EEPD1: variants seen among roughly 807,000 people sequenced by gnomAD.
The protein encoded by EEPD1 is endonuclease/exonuclease/phosphatase family domain-containing protein 1.
Under a neutral mutation model 46.3 loss-of-function variants are expected in EEPD1, and 17 were observed. The observed-to-expected ratio is 0.37, with a 90% CI of 0.25 to 0.55. The LOEUF is 0.55. Among genes scored for constraint, EEPD1 ranks in the 20% least tolerant of loss-of-function variants. The pLI is 0.83. For synonymous variants in EEPD1, 313 were observed against 315.6 expected (o/e 0.99, Z 0.09); for missense variants, 673 against 745.6 (o/e 0.90, Z 1.13).
chr7:36,184,211 CATAATT>C (rs1230808568), intron 2 of EEPD1, among the ~76,000 whole-genome samples: 9 of 152,128 alleles, frequency 5.9e-5, no homozygotes, highest in Non-Finnish European at 1.0e-4. Flanking sequence ...ATTTGAATGT[CATAATT>C]ATAATTTTCT....
At chr7:36,251,556 C>T (rs1019402241) in intron 3 of EEPD1, among the ~76,000 whole-genome samples, 2 of 152,304 alleles carry the variant, frequency 1.3e-5, no homozygotes, top group East Asian at 3.9e-4. Flanking sequence ...GTGATCCACC[C>T]GCCTTGGCCT....
intron 2 of EEPD1, among the ~76,000 whole-genome samples, chr7:36,180,242 G>A (rs1191287817): frequency 1.3e-5 from 2 of 152,234 alleles, no homozygotes; most frequent in African/African-American, 4.8e-5. Context: ...CTGTGCGTGG[G>A]CATGAAAGTC....
At chr7:36,212,552 G>GTTATTTTTTTTTTTTTTTTTTTTT in intron 2 of EEPD1, among the ~76,000 whole-genome samples, 1 of 143,146 alleles carries the variant, frequency 7.0e-6, no homozygotes, top group East Asian at 2.0e-4. Flanking sequence ...TAATGTAGTG[G>GTTATTTTTTTTTTTTTTTTTTTTT]TTCTTAACCT....
intron 2 of EEPD1, among the ~76,000 whole-genome samples, chr7:36,166,311 T>C (rs1784980152): frequency 6.6e-6 from 1 of 152,236 alleles, no homozygotes; most frequent in Non-Finnish European, 1.5e-5. Flanking sequence ...TTGTTAGAAT[T>C]TCAGCTTAGA....
At chr7:36,273,275 AG>A (rs1159180277) in intron 3 of EEPD1, among the ~76,000 whole-genome samples, 1 of 152,034 alleles carries the variant, frequency 6.6e-6, no homozygotes, top group Non-Finnish European at 1.5e-5. Context: ...CCAACCTCCC[AG>A]GGTTGTTATG....
chr7:36,219,656 G>T (rs551358819), intron 2 of EEPD1, among the ~76,000 whole-genome samples: 1 of 146,060 alleles, frequency 6.8e-6, no homozygotes, highest in Non-Finnish European at 1.5e-5. Flanking sequence ...AGGAGGAAGA[G>T]GAAGGAAGGA....
intron 2 of EEPD1, among the ~76,000 whole-genome samples, chr7:36,183,877 T>TG (rs1785316431): frequency 4.4e-5 from 3 of 67,542 alleles, no homozygotes; most frequent in African/African-American, 6.5e-5. Context: ...TAGCCCTCGT[T>TG]TTTTTTTTTT....
At chr7:36,267,034 T>A (rs1787030633) in intron 3 of EEPD1, among the ~76,000 whole-genome samples, 1 of 152,212 alleles carries the variant, frequency 6.6e-6, no homozygotes, top group Non-Finnish European at 1.5e-5. Flanking sequence ...CCTGTGAACA[T>A]TCATGTACAA....
intron 2 of EEPD1, among the ~76,000 whole-genome samples, chr7:36,218,687 A>G (rs922797696): frequency 1.3e-5 from 2 of 152,360 alleles, no homozygotes; most frequent in Non-Finnish European, 2.9e-5. Context: ...ACTGTGGGTC[A>G]CTGAAACCAT....
chr7:36,203,782 T>C (rs138733662), intron 2 of EEPD1, among the ~76,000 whole-genome samples: 2 of 152,304 alleles, frequency 1.3e-5, no homozygotes, highest in African/African-American at 4.8e-5. Context: ...ACTGTTAAAA[T>C]TTAGTGGATT....
intron 3 of EEPD1, among the ~76,000 whole-genome samples, chr7:36,278,045 A>T (rs2037509674): frequency 6.6e-6 from 1 of 152,190 alleles, no homozygotes; most frequent in Admixed American, 6.5e-5. Context: ...AGTCATCTAG[A>T]GGGGCTGTTA....
intron 2 of EEPD1, among the ~76,000 whole-genome samples, chr7:36,175,082 C>T (rs907413140): frequency 1.3e-5 from 2 of 152,138 alleles, no homozygotes; most frequent in African/African-American, 4.8e-5. Flanking sequence ...TGGTTTAAAC[C>T]GTTGATCCCC....
chr7:36,213,846 C>T (rs1228240392), intron 2 of EEPD1, among the ~76,000 whole-genome samples: 1 of 152,168 alleles, frequency 6.6e-6, no homozygotes, highest in Non-Finnish European at 1.5e-5. Flanking sequence ...AAGGGCAGGG[C>T]AGGGTCTGTC....
At position 36,154,703 on chromosome 7, in the gene EEPD1, C is replaced by A; in HGVS notation, c.379C>A (p.Leu127Met). The A allele has an allele frequency of 6.2e-7, 1 of 1,613,900 alleles. No individual in the cohort carries two copies. The highest frequency in any genetic ancestry group is 8.5e-7 in the Non-Finnish European group (1 of 1,180,016). ...DLLAEQQPHHLATAVPLTPRV... is the reference protein window; with the variant it reads ...DLLAEQQPHHMATAVPLTPRV... Reference sequence around the variant, plus strand: ...GCTAGCGGAGCAGCAGCCTCACCACCTGGCCACAGCTGTGCCCCTCACCCC... The same window carrying A: ...GCTAGCGGAGCAGCAGCCTCACCACATGGCCACAGCTGTGCCCCTCACCCC... Residue 127 changes from leucine (L) to methionine (M), a missense_variant, in exon 2 of 8, where the codon CTG becomes ATG. Physicochemically the swap from Leu to Met is conservative, Grantham distance 15 (BLOSUM62 2). Transcript: ENST00000242108. The surrounding 1 kb of genome is among the most constrained non-coding windows in gnomAD (Gnocchi z 4.2).
At chr7:36,258,904 A>AAAC (rs1554319775) in intron 3 of EEPD1, among the ~76,000 whole-genome samples, 1 of 148,350 alleles carries the variant, frequency 6.7e-6, no homozygotes, top group Non-Finnish European at 1.5e-5. Flanking sequence ...AAAAAAAAAA[A>AAAC]CTGCAGCTAG....
intron 3 of EEPD1, among the ~76,000 whole-genome samples, chr7:36,280,619 G>A (rs1200370748): frequency 6.6e-6 from 1 of 152,190 alleles, no homozygotes; most frequent in East Asian, 1.9e-4. Context: ...GCAGCTCTCC[G>A]CAGCAAGAGG....
In EEPD1 at chr7:36,193,870, G is replaced by A. The variant is rs570099210; in HGVS notation, c.878+38668G>A. On this transcript the variant is annotated intron_variant, in intron 2 of 7. Transcript: ENST00000242108. The surrounding 1 kb of genome is among the most constrained non-coding windows in gnomAD (Gnocchi z 4.9). ...TGGGGGACCCTGACACCATTCTGTG[G>A]GAGAGATGACAGTAAAATTAGGCTG... is the stretch of plus-strand genomic sequence containing the variant. 8.5e-5 allele frequency among the ~76,000 whole-genome samples: 13 copies of A among 152,226 alleles called. No individual in the cohort carries two copies. The highest frequency in any genetic ancestry group is 2.9e-4 in the African/African-American group (12 of 41,542).
intron 6 of EEPD1, among the ~76,000 whole-genome samples, chr7:36,292,847 G>C (rs1353104351): frequency 6.6e-6 from 1 of 152,108 alleles, no homozygotes; most frequent in Non-Finnish European, 1.5e-5. Context: ...GTCAGGTTTT[G>C]TTTCATTTTC....
intron 2 of EEPD1, among the ~76,000 whole-genome samples, chr7:36,158,993 T>G (rs1784865126): frequency 6.6e-6 from 1 of 152,236 alleles, no homozygotes; most frequent in African/African-American, 2.4e-5. Context: ...CTGTAATGGC[T>G]TAAATCAATT....
Sources: allele counts gnomAD v4.1 joint callset (sites outside exome capture counted in the v4.1 genomes callset), GRCh38; gene constraint gnomAD v4.1.1; non-coding constraint Gnocchi (gnomAD v3.1); transcripts MANE v1.5; gene names NCBI Gene and HGNC (gene_info 2026-07-23, HGNC 2026-07-21).